TARS1: variants seen among roughly 807,000 people sequenced by gnomAD.
TARS1 encodes the protein threonyl-tRNA synthetase 1, also known as threonine--tRNA ligase 1, cytoplasmic.
A neutral mutation model predicts 97.7 loss-of-function variants in TARS1; 57 were observed. The ratio of observed to expected loss-of-function variants is 0.58; its 90% CI spans 0.47 to 0.73. TARS1 has a LOEUF of 0.73. TARS1 is among the 30% of genes least tolerant of loss of function. TARS1 has a pLI of 0.00. For synonymous variants in TARS1, 312 were observed against 293.7 expected (o/e 1.06, Z -0.64); for missense variants, 806 against 888.3 (o/e 0.91, Z 1.18).
chr5:33,461,830 A>G (rs1742307399), intron 14 of TARS1, 76 bp from the exon 15 acceptor site: 2 of 1,586,242 alleles, frequency 1.3e-6, no homozygotes, highest in Admixed American at 1.7e-5. Flanking sequence ...AAAAAAGAAA[A>G]TCAGCCCTAA....
chr5:33,445,563 T>C (rs965462668), intron 2 of TARS1, among the ~76,000 whole-genome samples, 159 bp downstream of exon 2: 2 of 152,150 alleles, frequency 1.3e-5, no homozygotes, highest in African/African-American at 4.8e-5. Flanking sequence ...GAAAGGGTAA[T>C]CTGAGAGGGG....
intron 17 of TARS1, among the ~76,000 whole-genome samples, chr5:33,464,457 A>G (rs2111598678): frequency 6.6e-6 from 1 of 152,350 alleles, no homozygotes; most frequent in Middle Eastern, 3.4e-3. Flanking sequence ...ACAAATGTAT[A>G]GCCATTCATA....
rs1741545621 is a variant in TARS1, at chr5:33,448,666, T to A, written c.264T>A (p.Pro88=). Residue 88 remains proline, a synonymous_variant, in exon 3 of 19, where the codon CCT becomes CCA. Coordinates refer to ENST00000265112, the MANE Select transcript of TARS1 (RefSeq NM_152295.5). ...KDSKPIKVTL[P]DGKQVDAESW... ...GCAAGCCAATTAAAGTCACTTTGCC[T>A]GATGGTAAACAGGTTGATGCGGAAT... 6.2e-7 allele frequency: 1 copy of A among 1,613,788 alleles called. No individual in the cohort carries two copies. The highest frequency in any genetic ancestry group is 1.3e-5 in the African/African-American group (1 of 74,926).
At position 33,463,911 on chromosome 5, in the gene TARS1, C is replaced by A. The variant is rs1237365541; in HGVS notation, c.1908+86C>A. 1.0e-5 allele frequency: 12 copies of A among 1,167,708 alleles called. No homozygotes were observed. The East Asian group carries it at 2.5e-4, about 25-fold the overall frequency. The allele number at this position is 1,167,708 out of a possible 1,614,324, so 72.3% of individuals were successfully genotyped here. A position where few individuals can be genotyped will look rare whatever the true frequency, so the allele number is the denominator to read the frequency against. ...CATAAGCCCTGTATTCTTGGTGAAT[C>A]GAGCTGTTGTGATAAAGAGAAATGT... On this transcript the variant is annotated intron_variant, in intron 17 of 18. Transcript: ENST00000265112.
In TARS1 at chr5:33,462,189, C is replaced by G. The variant is rs1340206608; in HGVS notation, c.1821C>G (p.Asn607Lys). 1 of 1,611,626 alleles carries G rather than the reference C, an allele frequency of 6.2e-7. No individual in the cohort carries two copies. The highest frequency in any genetic ancestry group is 8.5e-7 in the Non-Finnish European group (1 of 1,179,598). ...VERMIAILTE[N>K]YGGKWPFWLS... is the part of the protein sequence containing the mutation. ...GAATGATTGCTATCCTCACAGAAAA[C>G]TATGGGGGCAAATGGTAATTTTTGT... is the stretch of plus-strand genomic sequence containing the variant. Residue 607 changes from asparagine to lysine, a missense_variant, in exon 16 of 19, where the codon AAC becomes AAG. Transcript: ENST00000265112.
Position 33,443,306 on chromosome 5 carries a change from C to T in TARS1, c.58-2018C>T, listed in dbSNP as rs76879463. 5.7e-3 allele frequency among the ~76,000 whole-genome samples: 485 copies of T among 85,440 alleles called. 12 individuals carry two copies. The East Asian group carries it at 0.06, about 11-fold the overall frequency. The allele number at this position is 85,440 out of a possible 152,430, so 56.1% of individuals were successfully genotyped here. On this transcript the variant is annotated intron_variant, in intron 1 of 18. Transcript: ENST00000265112. ...AACCAGAAAACCTTTGTGGTGATTC[C>T]CTCTCTCTCTCTCCCTCTCTCTCTC...
In TARS1 at chr5:33,455,665, A is replaced by G; in HGVS notation, c.654A>G (p.Arg218=). 1 of 1,612,856 alleles carries G rather than the reference A, an allele frequency of 6.2e-7. No homozygotes were observed. The highest frequency in any genetic ancestry group is 8.5e-7 in the Non-Finnish European group (1 of 1,179,086). The change falls in exon 6 of 19, where the codon AGA becomes AGG. Residue 218 remains arginine (R), a synonymous_variant. Transcript: ENST00000265112. ...TTAAAGAAAAACAAGCTTTTGAAAGACTGGAAGTTAAGAAAGAAACTTTAC... is the reference window on the plus strand; with the variant it reads ...TTAAAGAAAAACAAGCTTTTGAAAGGCTGGAAGTTAAGAAAGAAACTTTAC... ...KIIKEKQAFE[R]LEVKKETLLA...
intron 9 of TARS1, among the ~76,000 whole-genome samples, chr5:33,457,855 T>C (rs983614983): frequency 1.6e-4 from 24 of 152,288 alleles, no homozygotes; most frequent in African/African-American, 5.8e-4. Context: ...CTGCTGAATG[T>C]CCTCTAAACT....
At chr5:33,443,556 G>A (rs1002193353) in intron 1 of TARS1, among the ~76,000 whole-genome samples, 1 of 149,028 alleles carries the variant, frequency 6.7e-6, no homozygotes, top group Non-Finnish European at 1.5e-5. Context: ...GCAGTGGCGC[G>A]ATCTCTGCTC....
rs59141272 is a variant in TARS1, at chr5:33,449,358, T to TATATATATATATAG, written c.329+627_329+628insATATATATATATAG. 9.7e-3 allele frequency among the ~76,000 whole-genome samples: 1,426 copies of TATATATATATATAG among 146,444 alleles called. 25 individuals are homozygous for TATATATATATATAG. The highest frequency in any genetic ancestry group is 0.035 in the African/African-American group (1,354 of 38,832). The stretch of plus-strand genomic sequence containing the variant: ...ATATATACACGTGTATATATATATA[T>TATATATATATATAG]CTTAAACTGGGTATTGGGAAACTCT... On this transcript the variant is annotated intron_variant, in intron 3 of 18. Coordinates refer to ENST00000265112, the MANE Select transcript of TARS1 (RefSeq NM_152295.5).
intron 10 of TARS1, among the ~76,000 whole-genome samples, chr5:33,458,968 T>G (rs1467856520): frequency 6.6e-6 from 1 of 152,222 alleles, no homozygotes; most frequent in Admixed American, 6.5e-5. Flanking sequence ...TTTTTTCCTT[T>G]GTAAATTATG....
chr5:33,450,033 C>T (rs115022219), intron 3 of TARS1, among the ~76,000 whole-genome samples: 2 of 152,038 alleles, frequency 1.3e-5, no homozygotes, highest in African/African-American at 2.4e-5. Context: ...TTAACACATA[C>T]GAGAAGTAGT....
At chr5:33,464,302 C>A (rs997097557) in intron 17 of TARS1, among the ~76,000 whole-genome samples, 2 of 152,132 alleles carry the variant, frequency 1.3e-5, no homozygotes, top group African/African-American at 4.8e-5. Flanking sequence ...AATTCCCGTT[C>A]AAAATACAGT....
At chr5:33,467,411 A>G (rs527574966) in intron 18 of TARS1, 149 bp from the exon 19 acceptor site, 1 of 805,228 alleles carries the variant, frequency 1.2e-6, no homozygotes, top group East Asian at 3.1e-5. Flanking sequence ...TTTCTTTTAA[A>G]TATCAACACA....
chr5:33,442,867 G>A (rs1741182631), intron 1 of TARS1, among the ~76,000 whole-genome samples: 1 of 152,158 alleles, frequency 6.6e-6, no homozygotes, highest in East Asian at 1.9e-4. Flanking sequence ...ATACAGATGA[G>A]AAAGCAGGCG....
chr5:33,451,025 G>A (rs1741706265), intron 3 of TARS1, among the ~76,000 whole-genome samples: 2 of 152,122 alleles, frequency 1.3e-5, no homozygotes, highest in Non-Finnish European at 2.9e-5. Context: ...GAGGTGGGAG[G>A]ATAGCTTGAA....
rs186640769 is a variant in TARS1 at position 33,460,877 on chromosome 5, C to T, written c.1251-25C>T. On this transcript the variant is annotated intron_variant, in intron 11 of 18. Coordinates refer to ENST00000265112, the MANE Select transcript of TARS1 (RefSeq NM_152295.5). ...AGAAGCAGTTTTATTCTTAAGTGTC[C>T]GTGGACTTTTCTTTTTCTCTTCAGC... The T allele has an allele frequency of 3.2e-5, 52 of 1,612,886 alleles. 1 individual carries two copies. In the East Asian group the frequency reaches 6.7e-4, roughly 21 times the overall value.
At chr5:33,457,132 A>G in intron 8 of TARS1, 125 bp from the exon 9 acceptor site, 1 of 1,165,016 alleles carries the variant, frequency 8.6e-7, no homozygotes, top group East Asian at 2.5e-5. Context: ...TGAGGATAGA[A>G]AACAGCCAAC....
At chr5:33,443,341 C>CTCTCTCTCTCTCTT (rs1741230326) in intron 1 of TARS1, among the ~76,000 whole-genome samples, 7 of 150,556 alleles carry the variant, frequency 4.6e-5, no homozygotes, top group African/African-American at 1.7e-4. Context: ...CTCTCTCTCT[C>CTCTCTCTCTCTCTT]TCTCTCTCTC....
Sources: allele counts gnomAD v4.1 joint callset (sites outside exome capture counted in the v4.1 genomes callset), GRCh38; gene constraint gnomAD v4.1.1; transcripts MANE v1.5; gene names NCBI Gene and HGNC (gene_info 2026-07-23, HGNC 2026-07-21).